The following NELL1 variants were observed in gnomAD, a reference collection of about 807,000 sequenced individuals.
The protein encoded by NELL1 is protein kinase C-binding protein NELL1.
In NELL1, 76 loss-of-function variants were observed where a neutral mutation model predicts 107.4. The observed-to-expected ratio is 0.71, with a 90% CI of 0.59 to 0.86. NELL1 has a LOEUF of 0.86. Ranked by LOEUF, NELL1 falls within the 40% of genes least tolerant of loss-of-function variation. NELL1 has a pLI of 0.00. For synonymous variants in NELL1, 353 were observed against 341.2 expected (o/e 1.03, Z -0.38); for missense variants, 1,024 against 1,005.5 (o/e 1.02, Z -0.25).
chr11:21,068,091 G>T (rs1853923227), intron 12 of NELL1, among the ~76,000 whole-genome samples: 1 of 124,418 alleles, frequency 8.0e-6, no homozygotes, highest in Admixed American at 8.5e-5. Flanking sequence ...TTCTTTAACA[G>T]ATTTGTTGCT....
chr11:21,454,470 C>T (rs1853671032), intron 15 of NELL1, among the ~76,000 whole-genome samples: 1 of 152,158 alleles, frequency 6.6e-6, no homozygotes, highest in Admixed American at 6.5e-5. Flanking sequence ...ATTCTAGCCT[C>T]TCTGCTGTTT....
intron 2 of NELL1, among the ~76,000 whole-genome samples, chr11:20,772,721 C>CTTGGCAGAGCTGGGTACA (rs1856665317): frequency 1.3e-5 from 2 of 152,170 alleles, no homozygotes; most frequent in Non-Finnish European, 1.5e-5. Flanking sequence ...TAAGGTCTTA[C>CTTGGCAGAGCTGGGTACA]AGCAGGTACT....
rs578118418 is a variant in NELL1 at position 20,959,772 on chromosome 11, T to A, written c.1172-660T>A. 1.3e-4 allele frequency among the ~76,000 whole-genome samples: 20 copies of A among 152,286 alleles called. No homozygotes were observed. In the South Asian group the frequency reaches 3.5e-3, roughly 27 times the overall value. On this transcript the variant is annotated intron_variant, in intron 11 of 19. Transcript: ENST00000357134. ...TCTCACAAATCACCGCTAAAGAACTTATGTAACAAGACACCACCTGTTCCC... is the reference window on the plus strand; with the variant it reads ...TCTCACAAATCACCGCTAAAGAACTAATGTAACAAGACACCACCTGTTCCC...
intron 14 of NELL1, among the ~76,000 whole-genome samples, chr11:21,309,362 G>T: frequency 7.0e-6 from 1 of 142,426 alleles, no homozygotes; most frequent in African/African-American, 2.6e-5. Context: ...TCATTTCTTA[G>T]AATGATTTTT....
intron 10 of NELL1, among the ~76,000 whole-genome samples, chr11:20,940,227 C>G (rs2134189572): frequency 6.6e-6 from 1 of 151,416 alleles, no homozygotes; most frequent in South Asian, 2.1e-4. Context: ...GTGAGTGTGC[C>G]TTGTTCTCTG....
intron 14 of NELL1, among the ~76,000 whole-genome samples, chr11:21,329,186 G>A (rs1055354464): frequency 6.6e-6 from 1 of 152,246 alleles, no homozygotes; most frequent in Non-Finnish European, 1.5e-5. Context: ...TGTTGTAAGA[G>A]GGACCCAGTG....
At chr11:21,414,784 G>A (rs1459934475) in intron 15 of NELL1, among the ~76,000 whole-genome samples, 3 of 152,028 alleles carry the variant, frequency 2.0e-5, no homozygotes. Context: ...GTTGCTTTGG[G>A]TAAGGGGAAC....
intron 4 of NELL1, among the ~76,000 whole-genome samples, chr11:20,861,024 G>C (rs913642882): frequency 6.6e-6 from 1 of 152,178 alleles, no homozygotes; most frequent in African/African-American, 2.4e-5. Flanking sequence ...AAGCCCATTA[G>C]ACTAACCTCT....
At chr11:21,523,933 A>G (rs146582306) in intron 15 of NELL1, among the ~76,000 whole-genome samples, 586 of 152,184 alleles carry the variant, frequency 3.9e-3, no homozygotes, top group Admixed American at 7.7e-3. Context: ...ACGTATATGT[A>G]TATGTATGCA....
intron 14 of NELL1, among the ~76,000 whole-genome samples, chr11:21,324,245 A>G (rs1850078105): frequency 6.6e-6 from 1 of 152,094 alleles, no homozygotes; most frequent in African/African-American, 2.4e-5. Context: ...CAATTCATTT[A>G]GCTAGTAAAT....
intron 15 of NELL1, among the ~76,000 whole-genome samples, chr11:21,382,909 C>T (rs1360332476): frequency 1.3e-5 from 2 of 151,832 alleles, no homozygotes; most frequent in Admixed American, 6.6e-5. Flanking sequence ...ATACAAACAC[C>T]ACTGTAACTT....
chr11:20,956,578 A>G (rs994762443), intron 11 of NELL1, among the ~76,000 whole-genome samples: 11 of 148,374 alleles, frequency 7.4e-5, no homozygotes, highest in South Asian at 4.4e-4. Flanking sequence ...CCCGGGAGGC[A>G]GAGCTTGCAG....
chr11:21,356,853 C>A (rs1453029394), intron 14 of NELL1, among the ~76,000 whole-genome samples: 1 of 152,040 alleles, frequency 6.6e-6, no homozygotes, highest in African/African-American at 2.4e-5. Flanking sequence ...TATTCTTAGG[C>A]CTTTCTGTCC....
chr11:20,913,055 T>C (rs1004692215), intron 5 of NELL1, among the ~76,000 whole-genome samples: 4 of 152,156 alleles, frequency 2.6e-5, no homozygotes, highest in African/African-American at 9.6e-5. Context: ...TTTTGCATGC[T>C]GGAATATTTT....
In NELL1 at chr11:20,993,230, C is replaced by T. The variant is rs183334701; in HGVS notation, c.1300+32670C>T. On this transcript the variant is annotated intron_variant, in intron 12 of 19. Transcript: ENST00000357134. ...ACTAAGTTTCATTTTATATCATCTA[C>T]TCATTATAATTCCACCTAACATAAT... is the stretch of plus-strand genomic sequence containing the variant. Among the ~76,000 whole-genome samples, 11 of 152,282 alleles carry T rather than the reference C, an allele frequency of 7.2e-5. 1 individual carries two copies. The East Asian group carries it at 1.9e-3, about 27-fold the overall frequency.
At position 21,573,293 on chromosome 11, in the gene NELL1, G is replaced by T. The variant is rs747259501; in HGVS notation, c.2266G>T (p.Ala756Ser). The change falls in exon 19 of 20, where the codon GCT becomes TCT. Residue 756 changes from alanine to serine, a missense_variant. Physicochemically the swap from Ala to Ser is moderately conservative, Grantham distance 99. Coordinates refer to ENST00000357134, the MANE Select transcript of NELL1 (RefSeq NM_006157.5). ...CCGCTGTGTCAGTGACCCCTGCCTA[G>T]CTGATAACATCACCTATGACATCAG... Reference protein sequence around the residue: ...CPRCVSDPCLADNITYDIRKT... With the variant: ...CPRCVSDPCLSDNITYDIRKT... 1 of 1,612,532 alleles carries T rather than the reference G, an allele frequency of 6.2e-7. No homozygotes were observed. Among genetic ancestry groups the T allele is most frequent in the Non-Finnish European group, 8.5e-7 (1 of 1,179,064 alleles).
intron 5 of NELL1, among the ~76,000 whole-genome samples, chr11:20,886,687 C>T (rs1849515829): frequency 6.6e-6 from 1 of 152,122 alleles, no homozygotes. Context: ...GAACATCATA[C>T]ACTGGGGCTG....
At chr11:21,479,354 C>T (rs544494518) in intron 15 of NELL1, among the ~76,000 whole-genome samples, 1 of 150,974 alleles carries the variant, frequency 6.6e-6, no homozygotes, top group East Asian at 2.0e-4. Flanking sequence ...TAGCATTCAG[C>T]CATAAAAAAA....
chr11:21,424,142 A>C (rs1451912726), intron 15 of NELL1, among the ~76,000 whole-genome samples: 1 of 152,186 alleles, frequency 6.6e-6, no homozygotes, highest in Non-Finnish European at 1.5e-5. Flanking sequence ...AAAATAAAGA[A>C]TAGAAAAGCA....
Sources: allele counts gnomAD v4.1 joint callset (sites outside exome capture counted in the v4.1 genomes callset), GRCh38; gene constraint gnomAD v4.1.1; transcripts MANE v1.5; gene names NCBI Gene and HGNC (gene_info 2026-07-23, HGNC 2026-07-21).